TIAM1: variants seen among roughly 807,000 people sequenced by gnomAD.
The protein encoded by TIAM1 is rho guanine nucleotide exchange factor TIAM1.
Under a neutral mutation model 163.5 loss-of-function variants are expected in TIAM1, and 65 were observed. The observed-to-expected ratio is 0.40, with a 90% CI of 0.33 to 0.49. TIAM1 has a LOEUF of 0.49. Among genes scored for constraint, TIAM1 ranks in the 20% least tolerant of loss-of-function variants. TIAM1 has a pLI of 0.77. For missense variants in TIAM1, 1,789 were observed against 2,044.7 expected, an observed-to-expected ratio of 0.87 and a Z score of 2.41; for synonymous variants, 833 against 810.1, an observed-to-expected ratio of 1.03 and a Z score of -0.48.
chr21:31,210,677 AAGAAAGAAAAAGAAAG>A (rs2086774166), intron 10 of TIAM1, among the ~76,000 whole-genome samples: 1 of 91,900 alleles, frequency 1.1e-5, no homozygotes, highest in Non-Finnish European at 2.0e-5. Flanking sequence ...AAAAGAAAGA[AAGAAAGAAAAAGAAAG>A]AAAGAAAGAA....
At chr21:31,329,248 C>T (rs1249310831) in intron 2 of TIAM1, among the ~76,000 whole-genome samples, 2 of 152,170 alleles carry the variant, frequency 1.3e-5, no homozygotes, top group Non-Finnish European at 2.9e-5. Context: ...CAGCCTTCTG[C>T]CCTATTGTCT....
chr21:31,483,670 T>C (rs1329867146), intron 1 of TIAM1, among the ~76,000 whole-genome samples: 1 of 152,032 alleles, frequency 6.6e-6, no homozygotes, highest in Non-Finnish European at 1.5e-5. Flanking sequence ...TGAGACACTA[T>C]CATCAATCTA....
chr21:31,173,946 C>T (rs760496264), intron 15 of TIAM1, among the ~76,000 whole-genome samples: 3 of 152,194 alleles, frequency 2.0e-5, no homozygotes, highest in Non-Finnish European at 4.4e-5. Flanking sequence ...GCAGGGCCCA[C>T]GCAGGCAGGC....
chr21:31,242,001 C>T (rs903048078), intron 6 of TIAM1, among the ~76,000 whole-genome samples: 1 of 152,000 alleles, frequency 6.6e-6, no homozygotes, highest in African/African-American at 2.4e-5. Context: ...TAGAGCAAGA[C>T]CCTATCTCTA....
intron 4 of TIAM1, among the ~76,000 whole-genome samples, chr21:31,260,125 G>A (rs1305983523): frequency 2.8e-5 from 4 of 144,494 alleles, no homozygotes; most frequent in Non-Finnish European, 6.0e-5. Context: ...TTTTTTTTTA[G>A]AGGCGAGGTC....
chr21:31,130,313 T>C lies in TIAM1; in HGVS notation c.3945A>G (p.Val1315=), dbSNP rs781743895. The change falls in exon 25 of 28, where the codon GTA becomes GTG. Residue 1315 remains valine (V), a splice_region_variant and synonymous_variant. Coordinates refer to ENST00000541036, the MANE Select transcript of TIAM1 (RefSeq NM_001353694.2). The part of the protein sequence containing the change: ...KDGSKQKKKL[V]GSHRLSIYED... ...CATAAATGGAAAGCCTGTGAGATCC[T>C]ACCTGCAGAGGAGAAGGAACCAGCT... 3 of 1,613,450 alleles carry C rather than the reference T, an allele frequency of 1.9e-6. No homozygotes were observed. The highest frequency in any genetic ancestry group is 2.7e-5 in the African/African-American group (2 of 75,028).
In TIAM1 at chr21:31,356,487, T is replaced by C. The variant is rs140009037; in HGVS notation, c.-368-17065A>G. 2.2e-3 allele frequency among the ~76,000 whole-genome samples: 338 copies of C among 152,302 alleles called. 1 individual carries two copies. The highest frequency in any genetic ancestry group is 7.8e-3 in the African/African-American group (325 of 41,558). On this transcript the variant is annotated intron_variant, in intron 2 of 28. Coordinates refer to the TIAM1 transcript ENST00000286827. ...CCTAACCCCCAAAGTGATGGTATTC[T>C]AAGGTGGGGGCCTTTGGGAGAGGAT...
intron 4 of TIAM1, among the ~76,000 whole-genome samples, chr21:31,255,447 C>T (rs191241961): frequency 3.3e-5 from 5 of 152,224 alleles, no homozygotes; most frequent in East Asian, 1.9e-4. Flanking sequence ...TACTCAACAC[C>T]GCTCTTTCTT....
At chr21:31,312,765 C>T (rs1270134568) in intron 2 of TIAM1, among the ~76,000 whole-genome samples, 1 of 152,122 alleles carries the variant, frequency 6.6e-6, no homozygotes, top group Non-Finnish European at 1.5e-5. Flanking sequence ...CTCTTAAGTT[C>T]ATGCTCCTTT....
rs118112899 is a variant in TIAM1 at position 31,172,817 on chromosome 21, T to C, written c.2888-7752A>G. On this transcript the variant is annotated intron_variant, in intron 15 of 27. Transcript: ENST00000541036. ...AGGAGTTCAAGGCTGCAGTGAACCA[T>C]GATTGTGACACTGCACTCTAGCATG... Among the ~76,000 whole-genome samples, 2,491 of 151,810 alleles carry C rather than the reference T, an allele frequency of 0.016. 187 individuals carry two copies. In the East Asian group the frequency reaches 0.24, roughly 15 times the overall value.
At position 31,225,708 on chromosome 21, in the gene TIAM1, A is replaced by G. The variant is rs778030749; in HGVS notation, c.1809+18T>C. 6.2e-7 allele frequency: 1 copy of G among 1,604,232 alleles called. No homozygotes were observed. The highest frequency in any genetic ancestry group is 1.1e-5 in the South Asian group (1 of 90,938). On this transcript the variant is annotated intron_variant, in intron 7 of 27. Coordinates refer to ENST00000541036, the MANE Select transcript of TIAM1 (RefSeq NM_001353694.2). ...ACCTAACAATTTTGTCCGGACCTAA[A>G]CACGGAAGAACGATTACCTGATCTA...
At chr21:31,448,118 A>C (rs2044696246) in intron 2 of TIAM1, among the ~76,000 whole-genome samples, 1 of 152,112 alleles carries the variant, frequency 6.6e-6, no homozygotes, top group Admixed American at 6.5e-5. Context: ...CTCATCCAAA[A>C]ACACCCTCAT....
intron 19 of TIAM1, among the ~76,000 whole-genome samples, chr21:31,150,856 G>A (rs1164204663): frequency 6.6e-6 from 1 of 152,084 alleles, no homozygotes; most frequent in Non-Finnish European, 1.5e-5. Flanking sequence ...ACTTATAAAG[G>A]ATATACAAAG....
In TIAM1 at chr21:31,223,584, A is replaced by T; in HGVS notation, c.1817T>A (p.Val606Asp). The part of the protein sequence containing the change: ...KKKTILDQIF[V>D]WEQNLEQFQM... The stretch of plus-strand genomic sequence containing the variant: ...GAACTGCTCGAGATTTTGCTCCCAG[A>T]CAAAGATCTATGGTAGTGAAAACAC... The change falls in exon 8 of 28, where the codon GTC becomes GAC. Residue 606 changes from valine to aspartate, a missense_variant. Val to Asp is a radical substitution (Grantham distance 152). Transcript: ENST00000541036. The T allele has an allele frequency of 6.3e-7, 1 of 1,595,944 alleles. No homozygotes were observed. The highest frequency in any genetic ancestry group is 8.5e-7 in the Non-Finnish European group (1 of 1,171,142).
At chr21:31,261,577 G>A (rs781202354) in intron 4 of TIAM1, among the ~76,000 whole-genome samples, 16 of 152,136 alleles carry the variant, frequency 1.1e-4, no homozygotes, top group Admixed American at 4.6e-4. Context: ...GCCAGGCGCC[G>A]TGGTGCATGC....
At chr21:31,498,732 G>A (rs2046748597) in intron 1 of TIAM1, among the ~76,000 whole-genome samples, 1 of 152,100 alleles carries the variant, frequency 6.6e-6, no homozygotes, top group Non-Finnish European at 1.5e-5. Flanking sequence ...GATCACCTGA[G>A]GTCAAGAGTT....
intron 14 of TIAM1, among the ~76,000 whole-genome samples, chr21:31,186,036 G>GT (rs1470998035): frequency 2.0e-5 from 3 of 152,222 alleles, no homozygotes; most frequent in Non-Finnish European, 4.4e-5. Context: ...CACCCAGTGT[G>GT]TAACAGTTTA....
At chr21:31,176,121 T>C (rs1417052066) in intron 15 of TIAM1, among the ~76,000 whole-genome samples, 1 of 152,178 alleles carries the variant, frequency 6.6e-6, no homozygotes, top group Non-Finnish European at 1.5e-5. Context: ...TACTATTGTC[T>C]CGTAGTGGCT....
intron 16 of TIAM1, among the ~76,000 whole-genome samples, chr21:31,159,025 G>A (rs151261212): frequency 6.6e-6 from 1 of 152,220 alleles, no homozygotes; most frequent in African/African-American, 2.4e-5. Flanking sequence ...TCCTGGATGT[G>A]GGACAAGCAG....
Sources: gnomAD v4.1 joint callset for allele counts (sites outside exome capture counted in the v4.1 genomes callset) on GRCh38, gnomAD v4.1.1 for gene constraint, MANE v1.5 for transcripts, NCBI Gene and HGNC (gene_info 2026-07-23, HGNC 2026-07-21) for gene names.